Variants in COPA observed in about 807,000 individuals in gnomAD.
COPA encodes the protein coat protein complex I subunit alpha, also known as coatomer subunit alpha.
In COPA, 10 loss-of-function variants were observed where a neutral mutation model predicts 158.7. That is an observed-to-expected ratio of 0.06 (90% CI 0.04 to 0.11). COPA has a LOEUF of 0.11. COPA is among the 10% of genes least tolerant of loss of function. The probability of loss-of-function intolerance (pLI) is 1.00; values close to 1 mark genes in which losing one functional copy is unlikely to be tolerated. For synonymous variants in COPA, 462 were observed against 542.8 expected (o/e 0.85, Z 2.07); for missense variants, 1,065 against 1,536.7 (o/e 0.69, Z 5.13).
Position 160,306,499 on chromosome 1 carries a change from A to G in COPA, c.1303-6T>C, listed in dbSNP as rs746190329. 1.9e-6 allele frequency: 3 copies of G among 1,614,132 alleles called. No individual in the cohort carries two copies. The highest frequency in any genetic ancestry group is 1.7e-5 in the Admixed American group (1 of 60,022). On this transcript the variant is annotated splice_region_variant and splice_polypyrimidine_tract_variant and intron_variant, in intron 14 of 32. Transcript: ENST00000241704. ...TTCAGATTCTTGATCAGAAGCTGCA[A>G]TAAGTATTAAAGATGGGGTTAAGAG...
chr1:160,336,332 C>CAA (rs754757246), intron 3 of COPA, among the ~76,000 whole-genome samples: 3,003 of 109,562 alleles, frequency 0.027, 104 homozygotes, highest in African/African-American at 0.083. Context: ...GGCTCGGTCT[C>CAA]AAAAAAAAAA....
chr1:160,306,063 G>T, intron 15 of COPA: 1 of 565,384 alleles, frequency 1.8e-6, no homozygotes, highest in Non-Finnish European at 3.1e-6. Flanking sequence ...CTTAAATGTA[G>T]GAACTATGTT....
chr1:160,317,380 C>T, intron 8 of COPA: 1 of 1,601,340 alleles, frequency 6.2e-7, no homozygotes, highest in Non-Finnish European at 8.5e-7. Flanking sequence ...GCGGAGACCC[C>T]CGGGTGAAGC....
At chr1:160,309,056 G>A in intron 13 of COPA, 45 bp downstream of exon 13, 1 of 1,459,244 alleles carries the variant, frequency 6.9e-7, no homozygotes, top group Non-Finnish European at 9.6e-7. Context: ...TGATGCGGGT[G>A]AGGAGAGCTG....
In COPA at chr1:160,292,144, G is replaced by T; in HGVS notation, c.3015C>A (p.Asp1005Glu). The change falls in exon 29 of 33, where the codon GAC becomes GAA. Residue 1005 changes from aspartate (D) to glutamate (E), a missense_variant. By Grantham distance (45) the Asp-to-Glu change is conservative. Coordinates refer to ENST00000241704, the MANE Select transcript of COPA (RefSeq NM_004371.4). ...AGCACAGCTGCAACCGTTGGATGAG[G>T]TCATTAAGCTTCAGGCCCACAGCTG... Reference protein sequence around the residue: ...GVPAVGLKLNDLIQRLQLCYQ... With the variant: ...GVPAVGLKLNELIQRLQLCYQ... 6.2e-7 allele frequency: 1 copy of T among 1,614,028 alleles called. No homozygotes were observed. The highest frequency in any genetic ancestry group is 8.5e-7 in the Non-Finnish European group (1 of 1,180,030).
intron 32 of COPA, 134 bp from the exon 33 acceptor site, chr1:160,290,350 T>G: frequency 7.4e-7 from 1 of 1,352,086 alleles, no homozygotes; most frequent in Non-Finnish European, 1.0e-6. Flanking sequence ...CCAAGAGCAG[T>G]GGGGAGATGC....
intron 4 of COPA, 48 bp from the exon 5 acceptor site, chr1:160,333,727 C>T: frequency 7.0e-7 from 1 of 1,437,672 alleles, no homozygotes; most frequent in Non-Finnish European, 9.7e-7. Context: ...CAAATCTGTT[C>T]TATCAGGTTC....
At chr1:160,333,440 T>C (rs1647621886) in intron 5 of COPA, 163 bp downstream of exon 5, 1 of 535,566 alleles carries the variant, frequency 1.9e-6, no homozygotes, top group Middle Eastern at 3.0e-4. Context: ...GGATTGCCTC[T>C]ACATTTATTA....
At chr1:160,329,889 G>C (rs1322629195) in intron 6 of COPA, among the ~76,000 whole-genome samples, 1 of 152,264 alleles carries the variant, frequency 6.6e-6, no homozygotes, top group Non-Finnish European at 1.5e-5. Context: ...GAGGCAGCTG[G>C]ATCACTTGAG....
chr1:160,318,718 G>T (rs946963150), intron 8 of COPA, among the ~76,000 whole-genome samples: 1 of 151,888 alleles, frequency 6.6e-6, no homozygotes, highest in Non-Finnish European at 1.5e-5. Flanking sequence ...GAACAGAAAT[G>T]GAGTTAAATG....
At chr1:160,320,050 A>C (rs1659283502) in intron 8 of COPA, among the ~76,000 whole-genome samples, 3 of 152,082 alleles carry the variant, frequency 2.0e-5, no homozygotes, top group Admixed American at 6.5e-5. Context: ...GCAGAAATAA[A>C]ATTGAGACTA....
chr1:160,325,679 A>G lies in COPA; in HGVS notation c.497-27T>C, dbSNP rs755040755. ...TTTGAAGGGATAAGGAGTGGGATGA[A>G]AGATGTAAACATAATATTATCTAAA... On this transcript the variant is annotated intron_variant, in intron 6 of 32. Coordinates refer to ENST00000241704, the MANE Select transcript of COPA (RefSeq NM_004371.4). 18 of 1,523,680 alleles carry G rather than the reference A, an allele frequency of 1.2e-5. No homozygotes were observed. In the Middle Eastern group the frequency reaches 1.0e-3, roughly 86 times the overall value. 94.4% of individuals were successfully genotyped at this position (1,523,680 alleles called of 1,614,324 possible). A position where few individuals can be genotyped will look rare whatever the true frequency, so the allele number is the denominator to read the frequency against.
intron 8 of COPA, 97 bp from the exon 9 acceptor site, chr1:160,314,222 T>C: frequency 1.5e-6 from 2 of 1,322,440 alleles, no homozygotes; most frequent in Middle Eastern, 2.1e-4. Context: ...CTAAGTACTA[T>C]TACAGAATGC....
chr1:160,317,266 A>C, intron 8 of COPA: 2 of 757,920 alleles, frequency 2.6e-6, no homozygotes, highest in Non-Finnish European at 4.6e-6. Flanking sequence ...AAAAACACTA[A>C]TGTGGTAGCG....
At chr1:160,293,670 T>C (rs1658313686) in intron 25 of COPA, among the ~76,000 whole-genome samples, 1 of 151,976 alleles carries the variant, frequency 6.6e-6, no homozygotes, top group Non-Finnish European at 1.5e-5. Context: ...AATTTTTGTA[T>C]TTTTTTGTAG....
chr1:160,334,002 A>G (rs1266866819), intron 4 of COPA, among the ~76,000 whole-genome samples: 1 of 152,096 alleles, frequency 6.6e-6, no homozygotes, highest in African/African-American at 2.4e-5. Flanking sequence ...TATACAGTTA[A>G]TCATGTAAAT....
intron 11 of COPA, among the ~76,000 whole-genome samples, chr1:160,311,370 G>A (rs925494545): frequency 6.6e-6 from 1 of 151,984 alleles, no homozygotes; most frequent in African/African-American, 2.4e-5. Context: ...CCCAGGAGGT[G>A]GAGGTTGCAG....
At chr1:160,323,204 G>A (rs1207855460) in intron 8 of COPA, among the ~76,000 whole-genome samples, 3 of 151,856 alleles carry the variant, frequency 2.0e-5, no homozygotes, top group Admixed American at 2.0e-4. Flanking sequence ...GGTGAAGGAG[G>A]AAATGGAGGA....
Position 160,343,216 on chromosome 1 carries a change from C to T in COPA, c.-46G>A. 1 of 1,613,376 alleles carries T rather than the reference C, an allele frequency of 6.2e-7. No homozygotes were observed. On this transcript the variant is annotated 5_prime_UTR_variant, in exon 1 of 33. In the 5' UTR this introduces an upstream ATG that the reference lacks. Coordinates refer to ENST00000241704, the MANE Select transcript of COPA (RefSeq NM_004371.4). Reference sequence around the variant, plus strand: ...ATGTCTTAATCCGAGCCCCGACACACCCTGCTGCCCTTCGGACGCCTCCAC... The same window carrying T: ...ATGTCTTAATCCGAGCCCCGACACATCCTGCTGCCCTTCGGACGCCTCCAC...
Sources: gnomAD v4.1 joint callset for allele counts (sites outside exome capture counted in the v4.1 genomes callset) on GRCh38, gnomAD v4.1.1 for gene constraint, MANE v1.5 for transcripts, NCBI Gene and HGNC (gene_info 2026-07-23, HGNC 2026-07-21) for gene names.